The following CMYA5 variants were observed in gnomAD, a reference collection of about 807,000 sequenced individuals.
The protein encoded by CMYA5 is cardiomyopathy associated 5, also known as cardiomyopathy-associated protein 5.
CMYA5 carries 246 observed loss-of-function variants against 318.9 expected under a neutral mutation model. The observed-to-expected ratio is 0.77, with a 90% CI of 0.70 to 0.86. The LOEUF is 0.86. Ranked by LOEUF, CMYA5 falls within the 40% of genes least tolerant of loss-of-function variation. The probability of loss-of-function intolerance (pLI) is 0.00; values close to 1 mark genes in which losing one functional copy is unlikely to be tolerated. For synonymous variants in CMYA5, 1,641 were observed against 1,729.5 expected, an observed-to-expected ratio of 0.95 and a Z score of 1.27; for missense variants, 4,589 against 4,678.2, an observed-to-expected ratio of 0.98 and a Z score of 0.56.
At chr5:79,717,731 T>A (rs1028263149) in intron 1 of CMYA5, among the ~76,000 whole-genome samples, 1 of 152,116 alleles carries the variant, frequency 6.6e-6, no homozygotes, top group East Asian at 1.9e-4. Context: ...ATTCTTTCCA[T>A]CCACAATGAT....
chr5:79,721,391 A>T (rs1469193365), intron 1 of CMYA5, among the ~76,000 whole-genome samples: 2 of 152,210 alleles, frequency 1.3e-5, no homozygotes, highest in African/African-American at 4.8e-5. Context: ...GGTAGGACAA[A>T]TAGAAAATAA....
intron 1 of CMYA5, among the ~76,000 whole-genome samples, chr5:79,701,996 G>A (rs1282524678): frequency 6.6e-6 from 1 of 152,044 alleles, no homozygotes; most frequent in East Asian, 1.9e-4. Flanking sequence ...GCGTGGTGGC[G>A]GGCGCCTGTA....
intron 1 of CMYA5, among the ~76,000 whole-genome samples, chr5:79,723,808 A>G (rs1159625081): frequency 6.6e-6 from 1 of 151,968 alleles, no homozygotes; most frequent in African/African-American, 2.4e-5. Context: ...AGGAGATTAC[A>G]GGGTAATATC....
At position 79,736,331 on chromosome 5, in the gene CMYA5, C is replaced by G. The variant is rs1828066251; in HGVS notation, c.7566C>G (p.Asp2522Glu). 6.2e-7 allele frequency: 1 copy of G among 1,613,382 alleles called. No homozygotes were observed. The highest frequency in any genetic ancestry group is 8.5e-7 in the Non-Finnish European group (1 of 1,179,738). ...AMPQHFYQNE[D>E]YNERPKIIVG... The stretch of plus-strand genomic sequence containing the variant: ...CACAGCACTTCTATCAAAATGAAGA[C>G]TACAATGAAAGACCCAAAATCATTG... Residue 2522 changes from aspartate to glutamate, a missense_variant, in exon 2 of 13, where the codon GAC (aspartate) becomes GAG (glutamate). This residue lies in a region of CMYA5 where 2,431 missense variants were observed against 2,495.1 expected (regional missense o/e 0.97). Transcript: ENST00000446378.
chr5:79,763,309 C>A, intron 9 of CMYA5, 100 bp downstream of exon 9: 1 of 1,079,576 alleles, frequency 9.3e-7, no homozygotes, highest in Middle Eastern at 2.2e-4. Context: ...GGAGAAATGC[C>A]GTCTAAAATC....
At chr5:79,693,000 A>T (rs1826998940) in intron 1 of CMYA5, among the ~76,000 whole-genome samples, 1 of 152,172 alleles carries the variant, frequency 6.6e-6, no homozygotes, top group Non-Finnish European at 1.5e-5. Flanking sequence ...AGAAAAACGT[A>T]ATTATGTCAT....
rs369606958 is a variant in CMYA5 at position 79,738,360 on chromosome 5, G to C, written c.9595G>C (p.Glu3199Gln). 2 of 1,613,642 alleles carry C rather than the reference G, an allele frequency of 1.2e-6. No individual in the cohort carries two copies. The highest frequency in any genetic ancestry group is 8.5e-7 in the Non-Finnish European group (1 of 1,179,840). ...LAFLYKDLYE[E>Q]AVGEKKKEEE... ...ATTTTTATATAAGGATCTGTATGAA[G>C]AAGCAGTTGGAGAGAAAAAGAAGGA... The change falls in exon 2 of 13, where the codon GAA becomes CAA. Residue 3199 changes from glutamate to glutamine, a missense_variant. This residue lies in a region of CMYA5 where 2,431 missense variants were observed against 2,495.1 expected (regional missense o/e 0.97). Coordinates refer to ENST00000446378, the MANE Select transcript of CMYA5 (RefSeq NM_153610.5).
chr5:79,773,068 A>G (rs1828881445), intron 9 of CMYA5, among the ~76,000 whole-genome samples: 1 of 152,226 alleles, frequency 6.6e-6, no homozygotes. Context: ...ACAGCAATGG[A>G]TAAAGTTACT....
At chr5:79,692,869 C>G (rs74852555) in intron 1 of CMYA5, among the ~76,000 whole-genome samples, 3,228 of 152,264 alleles carry the variant, frequency 0.021, 120 homozygotes, top group African/African-American at 0.073. Flanking sequence ...TGTATTCATT[C>G]ATTCACTAAA....
At position 79,736,775 on chromosome 5, in the gene CMYA5, T is replaced by C; in HGVS notation, c.8010T>C (p.Ser2670=). 1 of 1,611,120 alleles carries C rather than the reference T, an allele frequency of 6.2e-7. No homozygotes were observed. The highest frequency in any genetic ancestry group is 2.2e-5 in the East Asian group (1 of 44,716). The change falls in exon 2 of 13, where the codon AGT becomes AGC. Residue 2670 remains serine, a synonymous_variant. Transcript: ENST00000446378. The part of the protein sequence containing the change: ...EKSSRDMPDH[S]EEKEQFRESE... ...CAAGCAGAGATATGCCAGATCACAG[T>C]GAAGAAAAAGAACAGTTCAGAGAGT... is the stretch of plus-strand genomic sequence containing the variant.
At chr5:79,772,689 G>A (rs1276827932) in intron 9 of CMYA5, among the ~76,000 whole-genome samples, 1 of 152,062 alleles carries the variant, frequency 6.6e-6, no homozygotes, top group Non-Finnish European at 1.5e-5. Context: ...ATCTTTAATC[G>A]CAGAGTCCCA....
rs16877147 is a variant in CMYA5 at position 79,734,389 on chromosome 5, C to T, written c.5624C>T (p.Ala1875Val). 125,963 of 1,613,474 alleles carry T rather than the reference C, an allele frequency of 0.078. 8,767 individuals carry two copies. The highest frequency in any genetic ancestry group is 0.46 in the East Asian group (20,545 of 44,864). ...AAATCATTTATGACAACCAAGCCTG[C>T]GGATGTCAAAGAAACAAAAATGGAA... is the stretch of plus-strand genomic sequence containing the variant. ...QSKSFMTTKPADVKETKMEEF... is the reference protein window; with the variant it reads ...QSKSFMTTKPVDVKETKMEEF... Residue 1875 changes from alanine (A) to valine (V), a missense_variant, in exon 2 of 13, where the codon GCG becomes GTG. Transcript: ENST00000446378.
chr5:79,755,554 TG>T lies in CMYA5; in HGVS notation c.11110+2763del, dbSNP rs1561220732. ...TGCCCTCCTTGGCCTCCCAAAGTGC[TG>T]GGATTACAGGCATGAGCCACTGCGC... On this transcript the variant is annotated intron_variant, in intron 6 of 12. Coordinates refer to ENST00000446378, the MANE Select transcript of CMYA5 (RefSeq NM_153610.5). Among the ~76,000 whole-genome samples the T allele has an allele frequency of 3.3e-5, 5 of 152,320 alleles. No individual in the cohort carries two copies. In the South Asian group the frequency reaches 1.0e-3, roughly 32 times the overall value.
At chr5:79,741,750 A>T (rs911195476) in intron 2 of CMYA5, among the ~76,000 whole-genome samples, 5 of 137,168 alleles carry the variant, frequency 3.6e-5, no homozygotes, top group African/African-American at 1.3e-4. Context: ...TGTTTTGTTT[A>T]TCTCTATGAG....
intron 9 of CMYA5, among the ~76,000 whole-genome samples, chr5:79,785,915 G>A (rs530318654): frequency 1.3e-5 from 2 of 152,242 alleles, no homozygotes; most frequent in East Asian, 3.9e-4. Flanking sequence ...GTTGCTCCTT[G>A]CCAAAACTCA....
In CMYA5 at chr5:79,710,948, C is replaced by CTTATAACAA. The variant is rs548499499; in HGVS notation, c.150-17965_150-17957dup. On this transcript the variant is annotated intron_variant, in intron 1 of 12. Transcript: ENST00000446378. ...CCTGAAGAGATGTAAGTGCTATAGT[C>CTTATAACAA]TTATAACAATGATTTTGGGGATGCA... 4.5e-4 allele frequency among the ~76,000 whole-genome samples: 69 copies of CTTATAACAA among 152,236 alleles called. 2 individuals are homozygous for CTTATAACAA. In the East Asian group the frequency reaches 0.011, roughly 25 times the overall value.
At chr5:79,696,957 A>G (rs1827079338) in intron 1 of CMYA5, among the ~76,000 whole-genome samples, 1 of 152,170 alleles carries the variant, frequency 6.6e-6, no homozygotes, top group South Asian at 2.1e-4. Context: ...CAGTGAGTTG[A>G]GACCATGCCA....
rs772674178 is a variant in CMYA5, at chr5:79,731,497, C to T, written c.2732C>T (p.Pro911Leu). ...TTTTCAGTACCACCATATGCAACACCGGAGGCACAGGAGGAAGAAATTGTC... is the reference window on the plus strand; with the variant it reads ...TTTTCAGTACCACCATATGCAACACTGGAGGCACAGGAGGAAGAAATTGTC... The part of the protein sequence containing the change: ...SEFSVPPYAT[P>L]EAQEEEIVHR... Residue 911 changes from proline (P) to leucine (L), a missense_variant, in exon 2 of 13, where the codon CCG becomes CTG. Physicochemically the swap from Pro to Leu is moderately conservative, Grantham distance 98. Around this residue, in one of 3 missense-constraint regions of CMYA5, gnomAD observed 2,132 missense variants for 2,131.3 expected, o/e 1.00. Coordinates refer to ENST00000446378, the MANE Select transcript of CMYA5 (RefSeq NM_153610.5). The T allele has an allele frequency of 3.5e-5, 56 of 1,605,044 alleles. No individual in the cohort carries two copies. Among genetic ancestry groups the T allele is most frequent in the African/African-American group, 9.4e-5 (7 of 74,734 alleles).
Position 79,737,580 on chromosome 5 carries a change from G to A in CMYA5, c.8815G>A (p.Asp2939Asn), listed in dbSNP as rs762907572. 1.2e-6 allele frequency: 2 copies of A among 1,613,726 alleles called. No individual in the cohort carries two copies. The highest frequency in any genetic ancestry group is 1.7e-6 in the Non-Finnish European group (2 of 1,179,810). ...VTSKPAGLSE[D>N]QKTAFSIISE... is the part of the protein sequence containing the mutation. ...TAGTAAGCCAGCCGGACTTTCAGAA[G>A]ATCAGAAGACTGCCTTTAGTATCAT... Residue 2939 changes from aspartate to asparagine, a missense_variant, in exon 2 of 13, where the codon GAT (aspartate) becomes AAT (asparagine). By Grantham distance (23) the Asp-to-Asn change is conservative. Around this residue, in one of 3 missense-constraint regions of CMYA5, gnomAD observed 2,431 missense variants for 2,495.1 expected, o/e 0.97. Transcript: ENST00000446378.
Sources: gnomAD v4.1 joint callset for allele counts (sites outside exome capture counted in the v4.1 genomes callset) on GRCh38, gnomAD v4.1.1 for gene constraint, gnomAD v4.1.1 regional missense constraint, MANE v1.5 for transcripts, NCBI Gene and HGNC (gene_info 2026-07-23, HGNC 2026-07-21) for gene names.